The following MAP3K2 variants were observed in gnomAD, a reference collection of about 807,000 sequenced individuals.
MAP3K2 encodes MAP/ERK kinase kinase 2.
Under a neutral mutation model 80.3 loss-of-function variants are expected in MAP3K2, and 24 were observed. The ratio of observed to expected loss-of-function variants is 0.30; its 90% CI spans 0.22 to 0.42. The LOEUF is 0.42. Ranked by LOEUF, MAP3K2 falls within the 10% of genes least tolerant of loss-of-function variation. The pLI, the probability that MAP3K2 is intolerant of heterozygous loss-of-function variation, is 1.00. For missense variants in MAP3K2, 608 were observed against 750.1 expected, an observed-to-expected ratio of 0.81 and a Z score of 2.21; for synonymous variants, 244 against 253.7, an observed-to-expected ratio of 0.96 and a Z score of 0.36.
rs970523641 is a variant in MAP3K2 at position 127,339,119 on chromosome 2, TCAAA to T, written c.5-73_5-70del. ...ACATATATATCAACATGTATAGACA[TCAAA>T]CACAAAATTTAAAATAAAATTTGAT... On this transcript the variant is annotated intron_variant, in intron 2 of 16. Coordinates refer to ENST00000682094, the MANE Select transcript of MAP3K2 (RefSeq NM_001371910.2). The surrounding 1 kb of genome is among the most constrained non-coding windows in gnomAD (Gnocchi z 4.2). 31 of 890,398 alleles carry T rather than the reference TCAAA, an allele frequency of 3.5e-5. No homozygotes were observed. Among genetic ancestry groups the T allele is most frequent in the Non-Finnish European group, 5.4e-5 (31 of 575,316 alleles). The allele number at this position is 890,398 out of a possible 1,614,324, so 55.2% of individuals were successfully genotyped here.
At position 127,318,190 on chromosome 2, in the gene MAP3K2, G is replaced by C. The variant is rs377475198; in HGVS notation, c.1173C>G (p.Pro391=). The C allele has an allele frequency of 6.2e-7, 1 of 1,606,380 alleles. No homozygotes were observed. The highest frequency in any genetic ancestry group is 2.3e-5 in the East Asian group (1 of 44,402). Residue 391 remains proline (P), a synonymous_variant, in exon 13 of 17, where the codon CCC becomes CCG. Transcript: ENST00000682094. ...TTACCTTGCTGGTCTCAGGACTATC[G>C]GGGTCAAATTGAACTTGCTTAACAG... is the stretch of plus-strand genomic sequence containing the variant. ...ELAVKQVQFD[P]DSPETSKEVN...
chr2:127,363,183 T>G (rs199590581), intron 1 of MAP3K2, among the ~76,000 whole-genome samples: 1 of 152,144 alleles, frequency 6.6e-6, no homozygotes, highest in East Asian at 1.9e-4. Flanking sequence ...GAGTCGAGGT[T>G]CTGGAACCAA....
At chr2:127,338,359 G>T (rs1686412007) in intron 3 of MAP3K2, among the ~76,000 whole-genome samples, 1 of 152,042 alleles carries the variant, frequency 6.6e-6, no homozygotes, top group Admixed American at 6.5e-5. Context: ...TAAGTTCAGG[G>T]GTACATGAGC....
chr2:127,376,392 T>G (rs556870831), intron 1 of MAP3K2, among the ~76,000 whole-genome samples: 1 of 152,166 alleles, frequency 6.6e-6, no homozygotes, highest in South Asian at 2.1e-4. Flanking sequence ...ATTAAATCTA[T>G]ACTGAATAAA....
chr2:127,378,122 GAGA>G, intron 1 of MAP3K2: 1 of 969,970 alleles, frequency 1.0e-6, no homozygotes, highest in South Asian at 4.8e-5. Flanking sequence ...AAGATACTGA[GAGA>G]AGATGACAGA....
chr2:127,378,354 T>C (rs766555528), intron 1 of MAP3K2, among the ~76,000 whole-genome samples: 1 of 152,210 alleles, frequency 6.6e-6, no homozygotes, highest in Non-Finnish European at 1.5e-5. Context: ...TTATCCAACA[T>C]CCTTAACAAA....
At position 127,344,269 on chromosome 2, in the gene MAP3K2, A is replaced by G. The variant is rs529741269; in HGVS notation, c.-65-1075T>C. Among the ~76,000 whole-genome samples, 7 of 152,240 alleles carry G rather than the reference A, an allele frequency of 4.6e-5. 1 individual carries two copies. Among genetic ancestry groups the G allele is most frequent in the African/African-American group, 1.4e-4 (6 of 41,548 alleles). ...CCCTACCAGCCCCTTCCACTGTAAT[A>G]TATCTTTTCCATGCATGCCCAAATT... On this transcript the variant is annotated intron_variant, in intron 1 of 16. Coordinates refer to ENST00000682094, the MANE Select transcript of MAP3K2 (RefSeq NM_001371910.2).
At chr2:127,314,258 A>G (rs1259155062) in intron 15 of MAP3K2, among the ~76,000 whole-genome samples, 1 of 152,136 alleles carries the variant, frequency 6.6e-6, no homozygotes, top group Non-Finnish European at 1.5e-5. Flanking sequence ...TTCCCTCGGT[A>G]GTGACACCCA....
At chr2:127,377,639 T>C (rs1247971689) in intron 1 of MAP3K2, among the ~76,000 whole-genome samples, 8 of 152,166 alleles carry the variant, frequency 5.3e-5, no homozygotes, top group South Asian at 2.1e-4. Context: ...TGATATACCA[T>C]AGTTATTAAG....
chr2:127,359,838 G>A (rs1311390195), intron 1 of MAP3K2, among the ~76,000 whole-genome samples: 1 of 152,160 alleles, frequency 6.6e-6, no homozygotes, highest in Non-Finnish European at 1.5e-5. Context: ...TAAGTTTCCT[G>A]AGGCCTCTTC....
intron 11 of MAP3K2, among the ~76,000 whole-genome samples, chr2:127,323,587 G>C (rs923275378): frequency 9.9e-5 from 15 of 151,808 alleles, no homozygotes; most frequent in African/African-American, 3.6e-4. Context: ...CCTGAACTCA[G>C]GAAGCCAAGG....
At chr2:127,379,828 A>G (rs562009251) in intron 1 of MAP3K2, among the ~76,000 whole-genome samples, 1 of 152,318 alleles carries the variant, frequency 6.6e-6, no homozygotes, top group Admixed American at 6.5e-5. Flanking sequence ...CACCACAGAC[A>G]AGATGTGTGA....
chr2:127,346,322 G>A (rs1686593962), intron 1 of MAP3K2, among the ~76,000 whole-genome samples: 1 of 135,798 alleles, frequency 7.4e-6, no homozygotes, highest in African/African-American at 2.8e-5. Flanking sequence ...AAAGTAAAAA[G>A]ACTAAATTAG....
intron 8 of MAP3K2, among the ~76,000 whole-genome samples, chr2:127,326,478 CA>C (rs1686143780): frequency 6.6e-6 from 1 of 151,996 alleles, no homozygotes; most frequent in Non-Finnish European, 1.5e-5. Flanking sequence ...ACTTATTGAG[CA>C]ATATAAAACC....
intron 1 of MAP3K2, among the ~76,000 whole-genome samples, chr2:127,376,598 G>A (rs552003182): frequency 6.6e-6 from 1 of 152,270 alleles, no homozygotes; most frequent in African/African-American, 2.4e-5. Context: ...TCCCATGTGA[G>A]GTCCCAAAGT....
At position 127,387,826 on chromosome 2, in the gene MAP3K2, G is replaced by A. The variant is rs1687399896; in HGVS notation, c.-440C>T. 5.1e-6 allele frequency: 5 copies of A among 985,076 alleles called. No homozygotes were observed. Among genetic ancestry groups the A allele is most frequent in the African/African-American group, 1.7e-5 (1 of 57,268 alleles). The allele number at this position is 985,076 out of a possible 1,614,324, so 61.0% of individuals were successfully genotyped here. ...AAGAGGCGGGAGTGGCGACTCTGCGGACAGGGGCGCCGAGCGTCCTGGTCG... is the reference window on the plus strand; with the variant it reads ...AAGAGGCGGGAGTGGCGACTCTGCGAACAGGGGCGCCGAGCGTCCTGGTCG... On this transcript the variant is annotated 5_prime_UTR_variant, in exon 1 of 17. Transcript: ENST00000682094.
intron 3 of MAP3K2, 94 bp downstream of exon 3, chr2:127,338,838 A>C: frequency 1.2e-6 from 1 of 809,736 alleles, no homozygotes; most frequent in South Asian, 1.9e-5. Context: ...CTTGATTCGA[A>C]AGTGTAAAAG....
chr2:127,329,030 T>C (rs184347253), intron 7 of MAP3K2, among the ~76,000 whole-genome samples: 45 of 152,310 alleles, frequency 3.0e-4, no homozygotes, highest in Non-Finnish European at 2.9e-5. Flanking sequence ...CAATGTTTTA[T>C]ACAAATTGAA....
At chr2:127,330,827 G>C (rs1002008813) in intron 5 of MAP3K2, among the ~76,000 whole-genome samples, 5 of 152,080 alleles carry the variant, frequency 3.3e-5, no homozygotes, top group Admixed American at 6.5e-5. Flanking sequence ...CCCCTAAAAA[G>C]AATGAAGAAG....
Sources: allele counts gnomAD v4.1 joint callset (sites outside exome capture counted in the v4.1 genomes callset), GRCh38; gene constraint gnomAD v4.1.1; non-coding constraint Gnocchi (gnomAD v3.1); transcripts MANE v1.5; gene names NCBI Gene and HGNC (gene_info 2026-07-23, HGNC 2026-07-21).